FAM168B: variants seen among roughly 807,000 people sequenced by gnomAD.
FAM168B encodes family with sequence similarity 168 member B.
In FAM168B, 19 loss-of-function variants were observed where a neutral mutation model predicts 21.8. That is an observed-to-expected ratio of 0.87 (90% CI 0.61 to 1.28). The LOEUF (loss-of-function observed/expected upper bound fraction) is 1.28. FAM168B is among the 50% of genes most tolerant of loss of function. The pLI is 0.00. For missense variants in FAM168B, 233 were observed against 263.1 expected (o/e 0.89, Z 0.79); for synonymous variants, 126 against 104.8 (o/e 1.20, Z -1.24).
chr2:131,082,155 T>G (rs1187799891), intron 2 of FAM168B, among the ~76,000 whole-genome samples: 1 of 152,124 alleles, frequency 6.6e-6, no homozygotes, highest in Non-Finnish European at 1.5e-5. Flanking sequence ...GGCCCAGGGA[T>G]GGATGCTGAG....
Position 131,050,855 on chromosome 2 carries a change from G to A in FAM168B, c.*1610C>T, listed in dbSNP as rs1287163650. On this transcript the variant is annotated 3_prime_UTR_variant, in exon 7 of 7. Transcript: ENST00000389915. Reference sequence around the variant, plus strand: ...AGCCCACAGCACTCAAACCACCACTGCACTGGGAAGAAGACGCACGCTCCT... The same window carrying A: ...AGCCCACAGCACTCAAACCACCACTACACTGGGAAGAAGACGCACGCTCCT... 6.1e-6 allele frequency: 6 copies of A among 985,282 alleles called. No homozygotes were observed. Among genetic ancestry groups the A allele is most frequent in the Middle Eastern group, 5.2e-4 (1 of 1,938 alleles). 61.0% of individuals were successfully genotyped at this position (985,282 alleles called of 1,614,324 possible).
chr2:131,052,679 G>A (rs151301402), intron 6 of FAM168B, among the ~76,000 whole-genome samples: 1 of 152,254 alleles, frequency 6.6e-6, no homozygotes, highest in East Asian at 1.9e-4. Flanking sequence ...GGCTCAAGAT[G>A]GACAGTGTCA....
At chr2:131,061,889 A>G (rs1692317851) in intron 3 of FAM168B, among the ~76,000 whole-genome samples, 1 of 152,228 alleles carries the variant, frequency 6.6e-6, no homozygotes, top group African/African-American at 2.4e-5. Flanking sequence ...CTGATCTGGA[A>G]GATGGCCTGG....
intron 3 of FAM168B, among the ~76,000 whole-genome samples, chr2:131,068,392 C>T (rs1692685521): frequency 6.6e-6 from 1 of 152,164 alleles, no homozygotes; most frequent in South Asian, 2.1e-4. Context: ...TTCCTGGCCT[C>T]AAGTGATCTG....
intron 2 of FAM168B, among the ~76,000 whole-genome samples, chr2:131,079,882 C>T (rs1198341027): frequency 4.0e-5 from 6 of 151,828 alleles, no homozygotes; most frequent in African/African-American, 9.7e-5. Flanking sequence ...TTTGGGAGGC[C>T]GAGGTGGGAG....
At chr2:131,080,350 G>A (rs1264885831) in intron 2 of FAM168B, among the ~76,000 whole-genome samples, 1 of 151,188 alleles carries the variant, frequency 6.6e-6, no homozygotes, top group Non-Finnish European at 1.5e-5. Context: ...TTAAGGTAAG[G>A]CAACAACAGA....
intron 1 of FAM168B, among the ~76,000 whole-genome samples, chr2:131,086,862 G>A (rs1183158891): frequency 3.9e-5 from 5 of 128,540 alleles, no homozygotes; most frequent in Non-Finnish European, 7.6e-5. Context: ...TCAGGAGATC[G>A]AGACCATCCT....
At chr2:131,090,151 CAAAAA>C (rs59428455) in intron 1 of FAM168B, among the ~76,000 whole-genome samples, 4 of 119,154 alleles carry the variant, frequency 3.4e-5, no homozygotes, top group African/African-American at 9.9e-5. Context: ...ACCAAAAATA[CAAAAA>C]AAAAAAAAAA....
At position 131,048,845 on chromosome 2, in the gene FAM168B, T is replaced by TG; in HGVS notation, c.*3619dup. 1.0e-6 allele frequency: 1 copy of TG among 986,264 alleles called. No individual in the cohort carries two copies. The highest frequency in any genetic ancestry group is 1.2e-6 in the Non-Finnish European group (1 of 830,248). The allele number at this position is 986,264 out of a possible 1,614,324, so 61.1% of individuals were successfully genotyped here. A position where few individuals can be genotyped will look rare whatever the true frequency, so the allele number is the denominator to read the frequency against. ...TGCCACCCACCTCAAGCCACACCCCTGCCACCTGCTGCTGCGCCCAATGGA... is the reference window on the plus strand; with the variant it reads ...TGCCACCCACCTCAAGCCACACCCCTGGCCACCTGCTGCTGCGCCCAATGGA... On this transcript the variant is annotated 3_prime_UTR_variant, in exon 7 of 7. Transcript: ENST00000389915.
rs1558932798 is a variant in FAM168B, at chr2:131,051,694, C to T, written c.*771G>A. 2.0e-6 allele frequency: 2 copies of T among 985,082 alleles called. No individual in the cohort carries two copies. Among genetic ancestry groups the T allele is most frequent in the Non-Finnish European group, 2.4e-6 (2 of 829,910 alleles). The allele number at this position is 985,082 out of a possible 1,614,324, so 61.0% of individuals were successfully genotyped here. On this transcript the variant is annotated 3_prime_UTR_variant, in exon 7 of 7. Coordinates refer to ENST00000389915, the MANE Select transcript of FAM168B (RefSeq NM_001009993.4). ...GATAGCAGAGAAACTGCTTTGCTGACACATAAACCACCCCCCTCGCCCCAA... is the reference window on the plus strand; with the variant it reads ...GATAGCAGAGAAACTGCTTTGCTGATACATAAACCACCCCCCTCGCCCCAA...
Position 131,052,325 on chromosome 2 carries a change from G to A in FAM168B, c.*140C>T. The stretch of plus-strand genomic sequence containing the variant: ...GACTAACGGCGCTGGGGCCTGCTGG[G>A]CCGGGATATAGTCGTGTTTAGCTAA... On this transcript the variant is annotated 3_prime_UTR_variant, in exon 7 of 7. Coordinates refer to ENST00000389915, the MANE Select transcript of FAM168B (RefSeq NM_001009993.4). 1.0e-6 allele frequency: 1 copy of A among 986,076 alleles called. No homozygotes were observed. Among genetic ancestry groups the A allele is most frequent in the Non-Finnish European group, 1.2e-6 (1 of 830,090 alleles). The allele number at this position is 986,076 out of a possible 1,614,324, so 61.1% of individuals were successfully genotyped here.
chr2:131,067,679 C>A (rs1191014655), intron 3 of FAM168B, among the ~76,000 whole-genome samples: 1 of 152,046 alleles, frequency 6.6e-6, no homozygotes, highest in Non-Finnish European at 1.5e-5. Flanking sequence ...CAAGTTCATG[C>A]CACTGCACTC....
intron 1 of FAM168B, among the ~76,000 whole-genome samples, chr2:131,091,420 T>C (rs1302626212): frequency 6.6e-6 from 1 of 151,856 alleles, no homozygotes; most frequent in Admixed American, 6.6e-5. Flanking sequence ...CCGACGTAGG[T>C]GGACCACCTG....
intron 3 of FAM168B, among the ~76,000 whole-genome samples, chr2:131,070,722 C>G (rs906842567): frequency 1.3e-5 from 2 of 151,950 alleles, no homozygotes; most frequent in African/African-American, 4.8e-5. Flanking sequence ...TACTACCTAA[C>G]AATAAAAAGG....
intron 1 of FAM168B, among the ~76,000 whole-genome samples, chr2:131,086,784 G>A (rs866425628): frequency 1.0e-5 from 1 of 95,504 alleles, no homozygotes. Flanking sequence ...ACAAGAGAAA[G>A]GCCGGGCGCG....
rs150927961 is a variant in FAM168B at position 131,078,202 on chromosome 2, G to A, written c.70+4375C>T. ...GAACAAATGGACAATAAAAACTGAC[G>A]CACAGGTGATCCAGAGACTGCAGTT... On this transcript the variant is annotated intron_variant, in intron 2 of 6. Coordinates refer to ENST00000389915, the MANE Select transcript of FAM168B (RefSeq NM_001009993.4). Among the ~76,000 whole-genome samples the A allele has an allele frequency of 5.7e-3, 867 of 152,272 alleles. 9 individuals carry two copies. The highest frequency in any genetic ancestry group is 0.02 in the African/African-American group (825 of 41,548).
intron 3 of FAM168B, among the ~76,000 whole-genome samples, chr2:131,061,500 G>A (rs748163617): frequency 9.2e-5 from 14 of 151,918 alleles, no homozygotes; most frequent in Admixed American, 3.3e-4. Context: ...ATGAATTATA[G>A]TCAGGCGCAG....
intron 3 of FAM168B, among the ~76,000 whole-genome samples, chr2:131,067,346 C>T (rs74581980): frequency 0.013 from 2,046 of 152,198 alleles, 41 homozygotes; most frequent in African/African-American, 0.043. Flanking sequence ...CTAAGAAATA[C>T]GTGGCATTTG....
At position 131,051,149 on chromosome 2, in the gene FAM168B, A is replaced by G. The variant is rs1056349234; in HGVS notation, c.*1316T>C. 8.7e-5 allele frequency: 86 copies of G among 985,290 alleles called. No individual in the cohort carries two copies. In the African/African-American group the frequency reaches 1.5e-3, roughly 17 times the overall value. 61.0% of individuals were successfully genotyped at this position (985,290 alleles called of 1,614,324 possible). On this transcript the variant is annotated 3_prime_UTR_variant, in exon 7 of 7. Transcript: ENST00000389915. The stretch of plus-strand genomic sequence containing the variant: ...CTTTGTGCCAAGTGCCCTCAGCTGC[A>G]AAAGAGATGGCAGGAGAGGCTCGCA...
Sources: gnomAD v4.1 joint callset for allele counts (sites outside exome capture counted in the v4.1 genomes callset) on GRCh38, gnomAD v4.1.1 for gene constraint, MANE v1.5 for transcripts, NCBI Gene and HGNC (gene_info 2026-07-23, HGNC 2026-07-21) for gene names.